PNPLA7: variants seen among roughly 807,000 people sequenced by gnomAD.
The protein encoded by PNPLA7 is patatin like domain 7, lysophospholipase, also known as patatin-like phospholipase domain-containing protein 7.
PNPLA7 carries 153 observed loss-of-function variants against 161.7 expected under a neutral mutation model. The ratio of observed to expected loss-of-function variants is 0.95; its 90% CI spans 0.83 to 1.08. PNPLA7 has a LOEUF of 1.08. PNPLA7 is among the 50% of genes least tolerant of loss of function. The pLI, the probability that PNPLA7 is intolerant of heterozygous loss-of-function variation, is 0.00. For synonymous variants in PNPLA7, 809 were observed against 782.1 expected (o/e 1.03, Z -0.57); for missense variants, 1,739 against 1,856.6 (o/e 0.94, Z 1.16).
At chr9:137,529,429 T>C (rs966734559) in intron 8 of PNPLA7, among the ~76,000 whole-genome samples, 1 of 152,234 alleles carries the variant, frequency 6.6e-6, no homozygotes. Flanking sequence ...TTGTATCCAC[T>C]GTGATCATTT....
rs369608655 is a variant in PNPLA7 at position 137,501,471 on chromosome 9, C to G, written c.1551+179G>C. Among the ~76,000 whole-genome samples, 24 of 152,352 alleles carry G rather than the reference C, an allele frequency of 1.6e-4. No homozygotes were observed. The South Asian group carries it at 5.0e-3, about 32-fold the overall frequency. On this transcript the variant is annotated intron_variant, in intron 15 of 34. Coordinates refer to ENST00000406427, the MANE Select transcript of PNPLA7 (RefSeq NM_001098537.3). Reference sequence around the variant, plus strand: ...GCAGGGGCCAAAGGTGGACACAGCTCTCAGGGCTCAGGGCTGCCTGAGGGG... The same window carrying G: ...GCAGGGGCCAAAGGTGGACACAGCTGTCAGGGCTCAGGGCTGCCTGAGGGG...
chr9:137,464,235 C>G, intron 27 of PNPLA7, 40 bp from the exon 28 acceptor site: 1 of 1,611,530 alleles, frequency 6.2e-7, no homozygotes, highest in Non-Finnish European at 8.5e-7. Context: ...TCTCCCATCA[C>G]GCTCCTGTCC....
intron 4 of PNPLA7, among the ~76,000 whole-genome samples, chr9:137,546,111 T>C (rs1395934585): frequency 3.9e-5 from 6 of 152,178 alleles, no homozygotes; most frequent in Admixed American, 2.0e-4. Context: ...CCTGGCTCTG[T>C]CTTTTAGATA....
At chr9:137,504,914 C>T (rs896799745) in intron 14 of PNPLA7, among the ~76,000 whole-genome samples, 1 of 152,082 alleles carries the variant, frequency 6.6e-6, no homozygotes, top group African/African-American at 2.4e-5. Context: ...ATCAGCCGGG[C>T]GCCGTGGCTC....
Position 137,522,811 on chromosome 9 carries a change from G to C in PNPLA7, c.794C>G (p.Pro265Arg), listed in dbSNP as rs201502852. 6.2e-7 allele frequency: 1 copy of C among 1,613,670 alleles called. No individual in the cohort carries two copies. The highest frequency in any genetic ancestry group is 8.5e-7 in the Non-Finnish European group (1 of 1,179,982). Residue 265 changes from proline to arginine, a missense_variant, in exon 9 of 35, where the codon CCG (proline) becomes CGG (arginine). Physicochemically the swap from Pro to Arg is moderately radical, Grantham distance 103. Coordinates refer to ENST00000406427, the MANE Select transcript of PNPLA7 (RefSeq NM_001098537.3). ...YKTVSVRAAI[P>R]STILRLPAAA... ...AGCTGGAAGCCGGAGGATGGTGGAC[G>C]GGATGGCCGCGCGGACGGAGACCGT...
chr9:137,519,305 T>C (rs1426556967), intron 11 of PNPLA7, among the ~76,000 whole-genome samples: 1 of 152,220 alleles, frequency 6.6e-6, no homozygotes, highest in Non-Finnish European at 1.5e-5. Context: ...ACCCGACCGC[T>C]TCCTCCTCAG....
At chr9:137,487,704 C>T (rs1419431407) in intron 20 of PNPLA7, among the ~76,000 whole-genome samples, 1 of 152,250 alleles carries the variant, frequency 6.6e-6, no homozygotes, top group Non-Finnish European at 1.5e-5. Flanking sequence ...GCCTCTGCTC[C>T]TCTGGGGGAA....
In PNPLA7 at chr9:137,480,959, C is replaced by T. The variant is rs1271526536; in HGVS notation, c.2411+1G>A. On this transcript the variant is annotated splice_donor_variant, in intron 22 of 34. Coordinates refer to ENST00000406427, the MANE Select transcript of PNPLA7 (RefSeq NM_001098537.3). LOFTEE classifies it high-confidence loss of function. ...AAGGAGTCGGGGCTGGCGGCACGCA[C>T]CTGTCCAGGGCAGCGGAGCCAAGGC... 5.8e-6 allele frequency: 9 copies of T among 1,551,492 alleles called. No homozygotes were observed. Among genetic ancestry groups the T allele is most frequent in the Non-Finnish European group, 7.8e-6 (9 of 1,146,940 alleles).
At chr9:137,461,152 G>T in intron 33 of PNPLA7, 1 of 326,790 alleles carries the variant, frequency 3.1e-6, no homozygotes, top group Non-Finnish European at 5.8e-6. Context: ...AGGCCCAAGC[G>T]CAGGGCCCTG....
intron 18 of PNPLA7, among the ~76,000 whole-genome samples, chr9:137,496,853 G>A (rs1237513486): frequency 6.6e-6 from 1 of 152,234 alleles, no homozygotes; most frequent in Non-Finnish European, 1.5e-5. Flanking sequence ...AGTTGCTCCT[G>A]TGGAACCCCA....
intron 28 of PNPLA7, among the ~76,000 whole-genome samples, 196 bp from the exon 29 acceptor site, chr9:137,463,727 C>T (rs188722937): frequency 3.0e-4 from 45 of 152,184 alleles, no homozygotes; most frequent in Admixed American, 2.7e-3. Context: ...TACATGTGCC[C>T]AGGACTTCGA....
rs1430487028 is a variant in PNPLA7 at position 137,492,518 on chromosome 9, G to T, written c.2197+495C>A. Among the ~76,000 whole-genome samples, 23 of 112,666 alleles carry T rather than the reference G, an allele frequency of 2.0e-4. No homozygotes were observed. In the South Asian group the frequency reaches 8.0e-3, roughly 39 times the overall value. 73.9% of individuals were successfully genotyped at this position (112,666 alleles called of 152,430 possible). A position where few individuals can be genotyped will look rare whatever the true frequency, so the allele number is the denominator to read the frequency against. ...GGGGAGGGGCATGGGCGGGTGGGTG[G>T]GGCTCCAGCACAGGGCGGGGCCATG... On this transcript the variant is annotated intron_variant, in intron 20 of 34. Transcript: ENST00000406427.
At chr9:137,534,738 G>A (rs1835794197) in intron 8 of PNPLA7, among the ~76,000 whole-genome samples, 1 of 152,068 alleles carries the variant, frequency 6.6e-6, no homozygotes, top group South Asian at 2.1e-4. Flanking sequence ...TCGTTTTGTA[G>A]TTAACCCATG....
chr9:137,542,647 C>T lies in PNPLA7; in HGVS notation c.661G>A (p.Asp221Asn). The T allele has an allele frequency of 6.2e-7, 1 of 1,605,694 alleles. No individual in the cohort carries two copies. Among genetic ancestry groups the T allele is most frequent in the Non-Finnish European group, 8.5e-7 (1 of 1,174,940 alleles). The change falls in exon 7 of 35, where the codon GAC (aspartate) becomes AAC (asparagine). Residue 221 changes from aspartate to asparagine, a missense_variant. By Grantham distance (23) the Asp-to-Asn change is conservative. Transcript: ENST00000406427. ...QDGRLEVCIQDTDGTEVVVKE... is the reference protein window; with the variant it reads ...QDGRLEVCIQNTDGTEVVVKE... ...CCCGCCGCCCTGCGACTCACAGTGT[C>T]CTGGATGCAGACCTCCAGCCGCCCG...
rs1392521203 is a variant in PNPLA7, at chr9:137,541,770, G to A, written c.666+872C>T. Among the ~76,000 whole-genome samples, 5 of 152,036 alleles carry A rather than the reference G, an allele frequency of 3.3e-5. No individual in the cohort carries two copies. Among genetic ancestry groups the A allele is most frequent in the Non-Finnish European group, 7.4e-5 (5 of 68,018 alleles). Reference sequence around the variant, plus strand: ...CAGGAAACAAGTATTGAGCTCCTACGTGGATTCACACCCGAATTTTTTTTT... The same window carrying A: ...CAGGAAACAAGTATTGAGCTCCTACATGGATTCACACCCGAATTTTTTTTT... On this transcript the variant is annotated intron_variant, in intron 7 of 34. Transcript: ENST00000406427. This position sits in a 1 kb window ranked among gnomAD's most constrained non-coding sequence, Gnocchi z 4.4.
chr9:137,492,681 C>G (rs1159650151), intron 20 of PNPLA7, among the ~76,000 whole-genome samples: 1 of 146,402 alleles, frequency 6.8e-6, no homozygotes, highest in Non-Finnish European at 1.5e-5. Flanking sequence ...GTGGGTGAGG[C>G]TCCAGGATGG....
chr9:137,479,569 A>T (rs1447483546), intron 23 of PNPLA7: 1 of 1,062,286 alleles, frequency 9.4e-7, no homozygotes, highest in Non-Finnish European at 1.1e-6. Flanking sequence ...GAGCATCACT[A>T]GCTGCAGAAC....
At position 137,462,178 on chromosome 9, in the gene PNPLA7, C is replaced by T. The variant is rs762789178; in HGVS notation, c.3645+1G>A. On this transcript the variant is annotated splice_donor_variant, in intron 31 of 34. Coordinates refer to ENST00000406427, the MANE Select transcript of PNPLA7 (RefSeq NM_001098537.3). LOFTEE classifies it high-confidence loss of function. ...CGCCGCCGCGGGTGGCCGGCACTCA[C>T]GCAGATCTCGTTGAACTTGCCGAAG... The T allele has an allele frequency of 2.6e-6, 4 of 1,562,422 alleles. No individual in the cohort carries two copies. The East Asian group carries it at 6.8e-5, about 27-fold the overall frequency.
At position 137,536,751 on chromosome 9, in the gene PNPLA7, G is replaced by C. The variant is rs558431515; in HGVS notation, c.747+3891C>G. Among the ~76,000 whole-genome samples the C allele has an allele frequency of 7.2e-5, 11 of 151,778 alleles. No homozygotes were observed. In the East Asian group the frequency reaches 1.9e-3, roughly 27 times the overall value. ...ATGAGGCATGGGGGCAATCTACGGA[G>C]CCACACTTCATCTCCCATGACAGGA... On this transcript the variant is annotated intron_variant, in intron 8 of 34. Transcript: ENST00000406427.
Sources: gnomAD v4.1 joint callset for allele counts (sites outside exome capture counted in the v4.1 genomes callset) on GRCh38, gnomAD v4.1.1 for gene constraint, Gnocchi (gnomAD v3.1) non-coding constraint, MANE v1.5 for transcripts, NCBI Gene and HGNC (gene_info 2026-07-23, HGNC 2026-07-21) for gene names.